The following DBR1 variants were observed in gnomAD, a reference collection of about 807,000 sequenced individuals.
DBR1 encodes the protein lariat debranching enzyme.
DBR1 carries 33 observed loss-of-function variants against 45.9 expected under a neutral mutation model. That is an observed-to-expected ratio of 0.72 (90% CI 0.55 to 0.96). The LOEUF (loss-of-function observed/expected upper bound fraction) is 0.96, where lower values mean the gene tolerates loss of function less well. DBR1 is among the 40% of genes least tolerant of loss of function. The pLI is 0.00. For missense variants in DBR1, 619 were observed against 667.4 expected, an observed-to-expected ratio of 0.93 and a Z score of 0.80; for synonymous variants, 235 against 235.9, an observed-to-expected ratio of 1.00 and a Z score of 0.04.
chr3:138,173,765 G>A (rs959989766), intron 1 of DBR1, 139 bp from the exon 2 acceptor site: 48 of 895,862 alleles, frequency 5.4e-5, no homozygotes, highest in East Asian at 3.9e-4. Context: ...GGCTGGGCGC[G>A]GTGGCTCCCT....
Position 138,174,580 on chromosome 3 carries a change from G to A in DBR1, c.197+19C>T. ...TCCCACCCCCCCACCGCCAAGTCCG[G>A]GCCCGGCCGCGTCCTCACCTGTAGA... On this transcript the variant is annotated intron_variant, in intron 1 of 7. Coordinates refer to ENST00000260803, the MANE Select transcript of DBR1 (RefSeq NM_016216.4). The A allele has an allele frequency of 1.3e-6, 2 of 1,587,104 alleles. No individual in the cohort carries two copies. The highest frequency in any genetic ancestry group is 1.7e-6 in the Non-Finnish European group (2 of 1,165,196).
intron 3 of DBR1, 46 bp downstream of exon 3, chr3:138,171,587 G>T: frequency 7.9e-7 from 1 of 1,270,210 alleles, no homozygotes; most frequent in Non-Finnish European, 1.2e-6. Context: ...AACTTACTCT[G>T]GGGCATGCAA....
intron 3 of DBR1, chr3:138,171,309 C>T (rs1288592312): frequency 1.1e-5 from 2 of 185,340 alleles, no homozygotes; most frequent in Non-Finnish European, 2.2e-5. Flanking sequence ...CCCGTCTCTA[C>T]TAAAAATACA....
chr3:138,165,601 C>T (rs1417052562), intron 5 of DBR1, among the ~76,000 whole-genome samples: 2 of 151,908 alleles, frequency 1.3e-5, no homozygotes, highest in Non-Finnish European at 2.9e-5. Flanking sequence ...TGGTGGCGGG[C>T]GCCTGTAGTC....
Position 138,161,193 on chromosome 3 carries a change from A to G in DBR1, c.*696T>C, listed in dbSNP as rs1021876763. ...ACAAAATATAATATAGCCATATTGT[A>G]TACATCAAAATGTTTACAGTGATAA... On this transcript the variant is annotated 3_prime_UTR_variant, in exon 8 of 8. Coordinates refer to ENST00000260803, the MANE Select transcript of DBR1 (RefSeq NM_016216.4). The G allele has an allele frequency of 2.0e-5, 3 of 152,236 alleles. No homozygotes were observed. The highest frequency in any genetic ancestry group is 7.2e-5 in the African/African-American group (3 of 41,468). 9.4% of individuals were successfully genotyped at this position (152,236 alleles called of 1,614,324 possible).
At chr3:138,167,011 A>G in intron 5 of DBR1, 70 bp downstream of exon 5, 1 of 1,384,390 alleles carries the variant, frequency 7.2e-7, no homozygotes, top group Non-Finnish European at 1.0e-6. Flanking sequence ...CTCTAACTTT[A>G]CAACTGTGTC....
intron 1 of DBR1, among the ~76,000 whole-genome samples, chr3:138,174,030 A>G (rs1191228724): frequency 4.7e-5 from 1 of 21,284 alleles, no homozygotes; most frequent in Non-Finnish European, 1.5e-4. Context: ...CAAGAAAAAA[A>G]AAAAAAAAAA....
rs367901122 is a variant in DBR1, at chr3:138,163,793, A to T, written c.780T>A (p.His260Gln). 8.1e-6 allele frequency: 13 copies of T among 1,611,210 alleles called. No individual in the cohort carries two copies. The African/African-American group carries it at 1.1e-4, about 13-fold the overall frequency. ...CTCTTCTTACCTGAAGAAAATCTCT[A>T]TGTGGTAAGCATTTGTCCAAGGCTA... ...KFLALDKCLP[H>Q]RDFLQILEIE... Residue 260 changes from histidine to glutamine, a missense_variant, in exon 6 of 8, where the codon CAT becomes CAA. Around this residue, in one of 3 missense-constraint regions of DBR1, gnomAD observed 430 missense variants for 447.7 expected, o/e 0.96. Transcript: ENST00000260803.
At position 138,163,416 on chromosome 3, in the gene DBR1, T is replaced by C. The variant is rs1457312344; in HGVS notation, c.874A>G (p.Thr292Ala). 1 of 1,613,908 alleles carries C rather than the reference T, an allele frequency of 6.2e-7. No homozygotes were observed. The highest frequency in any genetic ancestry group is 8.5e-7 in the Non-Finnish European group (1 of 1,179,792). Residue 292 changes from threonine (T) to alanine (A), a missense_variant, in exon 7 of 8, where the codon ACG becomes GCG. Thr to Ala is a moderately conservative substitution (Grantham distance 58). Around this residue, in one of 3 missense-constraint regions of DBR1, gnomAD observed 430 missense variants for 447.7 expected, o/e 0.96. Transcript: ENST00000260803. The stretch of plus-strand genomic sequence containing the variant: ...CCAGTCACATTAATAAGATCATCCG[T>C]AGCCCTGAGAATAGTGAGCCATTCA... ...DIEWLTILRA[T>A]DDLINVTGRL...
rs766648662 is a variant in DBR1 at position 138,163,354 on chromosome 3, A to T, written c.936T>A (p.His312Gln). The change falls in exon 7 of 8, where the codon CAT becomes CAA. Residue 312 changes from histidine (H) to glutamine (Q), a missense_variant. Around this residue, in one of 3 missense-constraint regions of DBR1, gnomAD observed 430 missense variants for 447.7 expected, o/e 0.96. Coordinates refer to ENST00000260803, the MANE Select transcript of DBR1 (RefSeq NM_016216.4). ...CTAAATAAAGTCTGACTTACCTTGC[A>T]TGCAGGCCATTATTTTCTGGCATAT... Reference protein sequence around the residue: ...LWNMPENNGLHARWDYSATEE... With the variant: ...LWNMPENNGLQARWDYSATEE... 4 of 1,613,288 alleles carry T rather than the reference A, an allele frequency of 2.5e-6. No homozygotes were observed. The African/African-American group carries it at 5.3e-5, about 22-fold the overall frequency.
chr3:138,172,805 A>C (rs922153689), intron 2 of DBR1, among the ~76,000 whole-genome samples: 3 of 152,190 alleles, frequency 2.0e-5, no homozygotes, highest in Non-Finnish European at 4.4e-5. Flanking sequence ...CAGGGAGACT[A>C]TTTTAGTCTA....
At position 138,174,659 on chromosome 3, in the gene DBR1, T is replaced by A. The variant is rs2042970809; in HGVS notation, c.137A>T (p.Glu46Val). The part of the protein sequence containing the change: ...CCGDFQAVRN[E>V]ADLRCMAVPP... ...CACGGCCATGCAGCGTAGATCCGCCTCGTTGCGCACCGCCTGGAAGTCGCC... is the reference window on the plus strand; with the variant it reads ...CACGGCCATGCAGCGTAGATCCGCCACGTTGCGCACCGCCTGGAAGTCGCC... Residue 46 changes from glutamate to valine, a missense_variant, in exon 1 of 8, where the codon GAG becomes GTG. By Grantham distance (121) the Glu-to-Val change is moderately radical (BLOSUM62 -2). Transcript: ENST00000260803. The A allele has an allele frequency of 6.2e-7, 1 of 1,610,494 alleles. No individual in the cohort carries two copies. The highest frequency in any genetic ancestry group is 8.5e-7 in the Non-Finnish European group (1 of 1,177,962).
chr3:138,171,652 T>G lies in DBR1; in HGVS notation c.384A>C (p.Lys128Asn). 6.2e-7 allele frequency: 1 copy of G among 1,613,302 alleles called. No individual in the cohort carries two copies. The highest frequency in any genetic ancestry group is 1.1e-5 in the South Asian group (1 of 91,060). Reference protein sequence around the residue: ...VRIGGISGIFKSHDYRKGHFE... With the variant: ...VRIGGISGIFNSHDYRKGHFE... ...CAATACCTTTTCGATAGTCATGAGA[T>G]TTAAAGATACCAGAGATTCCACCGA... Residue 128 changes from lysine to asparagine, a missense_variant, in exon 3 of 8, where the codon AAA (lysine) becomes AAC (asparagine). Physicochemically the swap from Lys to Asn is moderately conservative, Grantham distance 94. This residue lies in a region of DBR1 where 430 missense variants were observed against 447.7 expected (regional missense o/e 0.96). Coordinates refer to ENST00000260803, the MANE Select transcript of DBR1 (RefSeq NM_016216.4).
At chr3:138,162,658 T>A (rs1174346921) in intron 7 of DBR1, 76 bp from the exon 8 acceptor site, 3 of 1,261,112 alleles carry the variant, frequency 2.4e-6, no homozygotes, top group Non-Finnish European at 3.3e-6. Flanking sequence ...AATTACAGAC[T>A]TCAGGTGCAA....
At chr3:138,172,813 C>CTA (rs1290967867) in intron 2 of DBR1, among the ~76,000 whole-genome samples, 5 of 152,116 alleles carry the variant, frequency 3.3e-5, no homozygotes, top group Non-Finnish European at 5.9e-5. Context: ...CTATTTTAGT[C>CTA]TAATAGACTT....
At chr3:138,166,213 T>C (rs1327831205) in intron 5 of DBR1, among the ~76,000 whole-genome samples, 1 of 152,226 alleles carries the variant, frequency 6.6e-6, no homozygotes, top group African/African-American at 2.4e-5. Context: ...TATGGACTAC[T>C]TTATGGGAAA....
At chr3:138,173,839 C>A (rs932956087) in intron 1 of DBR1, among the ~76,000 whole-genome samples, 3 of 151,942 alleles carry the variant, frequency 2.0e-5, no homozygotes, top group African/African-American at 7.3e-5. Context: ...GAGTTCGAGA[C>A]CAACCTGGCC....
intron 5 of DBR1, 128 bp downstream of exon 5, chr3:138,166,953 A>T: frequency 1.2e-6 from 1 of 843,188 alleles, no homozygotes; most frequent in Non-Finnish European, 1.9e-6. Flanking sequence ...CTTTCCCAGA[A>T]TCATATATTG....
At chr3:138,170,051 G>T in intron 4 of DBR1, 56 bp downstream of exon 4, 1 of 1,096,136 alleles carries the variant, frequency 9.1e-7, no homozygotes, top group Non-Finnish European at 1.4e-6. Context: ...AATACATTTT[G>T]GCACAGAATT....
Sources: allele counts gnomAD v4.1 joint callset (sites outside exome capture counted in the v4.1 genomes callset), GRCh38; gene constraint gnomAD v4.1.1; regional missense constraint gnomAD v4.1.1; transcripts MANE v1.5; gene names NCBI Gene and HGNC (gene_info 2026-07-23, HGNC 2026-07-21).